CDH23: variants seen among roughly 807,000 people sequenced by gnomAD.
CDH23 encodes cadherin-23.
A neutral mutation model predicts 317.1 loss-of-function variants in CDH23; 189 were observed. The observed-to-expected ratio is 0.60, with a 90% CI of 0.53 to 0.67. The LOEUF (loss-of-function observed/expected upper bound fraction) is 0.67. Ranked by LOEUF, CDH23 falls within the 30% of genes least tolerant of loss-of-function variation. CDH23 has a pLI of 0.00. For missense variants in CDH23, 4,401 were observed against 4,592.4 expected, an observed-to-expected ratio of 0.96 and a Z score of 1.20; for synonymous variants, 1,839 against 1,876.8, an observed-to-expected ratio of 0.98 and a Z score of 0.52.
chr10:71,739,691 C>T lies in CDH23; in HGVS notation c.4407C>T (p.Ile1469=), dbSNP rs772041520. 23 of 1,613,226 alleles carry T rather than the reference C, an allele frequency of 1.4e-5. No homozygotes were observed. Among genetic ancestry groups the T allele is most frequent in the Admixed American group, 6.7e-5 (4 of 59,928 alleles). The part of the protein sequence containing the change: ...ASGNIAGAFE[I]VTTNDSIGEV... ...GCAACATCGCGGGGGCCTTTGAGAT[C>T]GTCACCACCAATGACTCCATTGGCG... The change falls in exon 36 of 70, where the codon ATC becomes ATT. Residue 1469 remains isoleucine (I), a synonymous_variant. Coordinates refer to ENST00000224721, the MANE Select transcript of CDH23 (RefSeq NM_022124.6).
At chr10:71,523,646 T>G (rs183307433) in intron 6 of CDH23, among the ~76,000 whole-genome samples, 2 of 152,262 alleles carry the variant, frequency 1.3e-5, no homozygotes, top group Non-Finnish European at 2.9e-5. Flanking sequence ...GTTTAACCGT[T>G]GCTGTGCAGA....
At chr10:71,438,863 G>A (rs1401651057) in intron 1 of CDH23, among the ~76,000 whole-genome samples, 1 of 152,206 alleles carries the variant, frequency 6.6e-6, no homozygotes, top group Non-Finnish European at 1.5e-5. Context: ...GGTATGCACT[G>A]AAGGGTAATG....
chr10:71,466,850 C>T (rs1048531237), intron 3 of CDH23, among the ~76,000 whole-genome samples: 13 of 151,892 alleles, frequency 8.6e-5, no homozygotes, highest in African/African-American at 3.1e-4. Flanking sequence ...GGAAAATCTC[C>T]GCCCATTGAC....
intron 3 of CDH23, among the ~76,000 whole-genome samples, chr10:71,466,837 C>A (rs1851278210): frequency 6.6e-6 from 1 of 151,998 alleles, no homozygotes; most frequent in South Asian, 2.1e-4. Context: ...TAGCAACCCA[C>A]ATGGAAAATC....
intron 6 of CDH23, among the ~76,000 whole-genome samples, chr10:71,546,513 G>C (rs887417835): frequency 2.0e-4 from 30 of 152,196 alleles, no homozygotes; most frequent in African/African-American, 6.8e-4. Flanking sequence ...CCCAACCCAG[G>C]TTCAGGGAAT....
chr10:71,586,871 G>C (rs1859105824), intron 9 of CDH23, among the ~76,000 whole-genome samples: 1 of 152,186 alleles, frequency 6.6e-6, no homozygotes, highest in African/African-American at 2.4e-5. Context: ...ACTCATCCAT[G>C]CTGTCAGGTG....
Position 71,574,381 on chromosome 10 carries a change from C to A in CDH23, c.753+3463C>A, listed in dbSNP as rs377746328. Reference sequence around the variant, plus strand: ...AAGGGCCGATAGAAGGTGAAAAGAGCGGATAAACTGCACAAATTACTGCCA... The same window carrying A: ...AAGGGCCGATAGAAGGTGAAAAGAGAGGATAAACTGCACAAATTACTGCCA... On this transcript the variant is annotated intron_variant, in intron 8 of 69. Coordinates refer to ENST00000224721, the MANE Select transcript of CDH23 (RefSeq NM_022124.6). Among the ~76,000 whole-genome samples the A allele has an allele frequency of 2.0e-5, 3 of 152,312 alleles. No individual in the cohort carries two copies. In the East Asian group the frequency reaches 5.8e-4, roughly 29 times the overall value.
chr10:71,455,729 G>A (rs1380202070), intron 3 of CDH23, among the ~76,000 whole-genome samples: 1 of 152,168 alleles, frequency 6.6e-6, no homozygotes, highest in Non-Finnish European at 1.5e-5. Context: ...GTCACGGGTA[G>A]CAGTGAGGGG....
rs397517321 is a variant in CDH23 at position 71,712,775 on chromosome 10, G to T, written c.3331G>T (p.Val1111Phe). Residue 1111 changes from valine (V) to phenylalanine (F), a missense_variant, in exon 28 of 70, where the codon GTC becomes TTC. By Grantham distance (50) the Val-to-Phe change is conservative. Coordinates refer to ENST00000224721, the MANE Select transcript of CDH23 (RefSeq NM_022124.6). ...TCTGCAGAGCAGCTATGAGGCCAGCGTCCCTGAGGACATCCCTGAAGGCCA... is the reference window on the plus strand; with the variant it reads ...TCTGCAGAGCAGCTATGAGGCCAGCTTCCCTGAGGACATCCCTGAAGGCCA... ...IFLQSSYEAS[V>F]PEDIPEGHSI... 1.2e-6 allele frequency: 2 copies of T among 1,613,054 alleles called. No individual in the cohort carries two copies. Among genetic ancestry groups the T allele is most frequent in the South Asian group, 2.2e-5 (2 of 90,886 alleles).
intron 55 of CDH23, among the ~76,000 whole-genome samples, 182 bp from the exon 56 acceptor site, chr10:71,805,621 GACA>G (rs1431434548): frequency 1.3e-5 from 2 of 152,222 alleles, no homozygotes; most frequent in Middle Eastern, 3.2e-3. Context: ...AGAGAAGAGG[GACA>G]ACAGCTAGCA....
intron 11 of CDH23, among the ~76,000 whole-genome samples, chr10:71,643,394 T>C (rs1862660215): frequency 6.6e-6 from 1 of 152,222 alleles, no homozygotes; most frequent in Non-Finnish European, 1.5e-5. Context: ...CTCTGACATT[T>C]TTTATGTTAG....
At chr10:71,555,294 G>T (rs899652698) in intron 6 of CDH23, among the ~76,000 whole-genome samples, 5 of 152,160 alleles carry the variant, frequency 3.3e-5, no homozygotes, top group African/African-American at 1.2e-4. Flanking sequence ...TGGGGCCAGG[G>T]TGGGTATCAG....
chr10:71,794,009 C>CT (rs200723552), intron 48 of CDH23, among the ~76,000 whole-genome samples: 130 of 151,182 alleles, frequency 8.6e-4, no homozygotes, highest in African/African-American at 2.8e-3. Flanking sequence ...TTTGTTTTGG[C>CT]TTTTTTTTTG....
intron 1 of CDH23, among the ~76,000 whole-genome samples, chr10:71,409,604 G>T (rs368511694): frequency 3.3e-4 from 50 of 152,204 alleles, no homozygotes; most frequent in Non-Finnish European, 6.0e-4. Flanking sequence ...GAGGGCACCC[G>T]GGCAGTGCTT....
Position 71,807,317 on chromosome 10 carries a change from A to T in CDH23, c.8219A>T (p.His2740Leu). Residue 2740 changes from histidine to leucine, a missense_variant, in exon 58 of 70, where the codon CAC becomes CTC. Physicochemically the swap from His to Leu is moderately conservative, Grantham distance 99. Coordinates refer to ENST00000224721, the MANE Select transcript of CDH23 (RefSeq NM_022124.6). ...TACCAGCTGCTGACAGTGCCTGAGC[A>T]CTCACCACGCGGCACCCTCGTGGGC... is the stretch of plus-strand genomic sequence containing the variant. ...PQYQLLTVPE[H>L]SPRGTLVGNV... The T allele has an allele frequency of 6.2e-7, 1 of 1,613,808 alleles. No homozygotes were observed.
intron 30 of CDH23, 57 bp downstream of exon 30, chr10:71,725,577 A>C (rs1349439824): frequency 6.4e-7 from 1 of 1,559,806 alleles, no homozygotes; most frequent in Non-Finnish European, 8.7e-7. Flanking sequence ...GCCCACAGCT[A>C]GAACAGAGAA....
chr10:71,779,258 C>T lies in CDH23; in HGVS notation c.5188-9C>T, dbSNP rs1400784973. 2 of 1,613,908 alleles carry T rather than the reference C, an allele frequency of 1.2e-6. No individual in the cohort carries two copies. Among genetic ancestry groups the T allele is most frequent in the Admixed American group, 1.7e-5 (1 of 60,016 alleles). ...GTGAGGCCTTGGCTAAGCTTTTCCA[C>T]CATCTCAGGTGCTTGTGAATGTGAA... is the stretch of plus-strand genomic sequence containing the variant. On this transcript the variant is annotated splice_polypyrimidine_tract_variant and intron_variant, in intron 40 of 69. Coordinates refer to ENST00000224721, the MANE Select transcript of CDH23 (RefSeq NM_022124.6).
At chr10:71,457,222 T>C (rs1850739439) in intron 3 of CDH23, among the ~76,000 whole-genome samples, 2 of 152,312 alleles carry the variant, frequency 1.3e-5, no homozygotes, top group South Asian at 4.1e-4. Context: ...CAATTTGTGT[T>C]GTGTCTTGAA....
Position 71,725,488 on chromosome 10 carries a change from C to T in CDH23, c.3547C>T (p.His1183Tyr). 6.2e-7 allele frequency: 1 copy of T among 1,613,896 alleles called. No individual in the cohort carries two copies. The highest frequency in any genetic ancestry group is 8.5e-7 in the Non-Finnish European group (1 of 1,179,846). ...CGTGCTGATAGTGGAGGCCTACAACCACGACCTGGGCCCCATGCGGAGCTC... is the reference window on the plus strand; with the variant it reads ...CGTGCTGATAGTGGAGGCCTACAACTACGACCTGGGCCCCATGCGGAGCTC... ...SHVLIVEAYNHDLGPMRSSVR... is the reference protein window; with the variant it reads ...SHVLIVEAYNYDLGPMRSSVR... Residue 1183 changes from histidine (H) to tyrosine (Y), a missense_variant, in exon 30 of 70, where the codon CAC (histidine) becomes TAC (tyrosine). Around this residue, in one of 3 missense-constraint regions of CDH23, gnomAD observed 3,068 missense variants for 3,203.3 expected, o/e 0.96. Coordinates refer to ENST00000224721, the MANE Select transcript of CDH23 (RefSeq NM_022124.6).
Sources: gnomAD v4.1 joint callset for allele counts (sites outside exome capture counted in the v4.1 genomes callset) on GRCh38, gnomAD v4.1.1 for gene constraint, gnomAD v4.1.1 regional missense constraint, MANE v1.5 for transcripts, NCBI Gene and HGNC (gene_info 2026-07-23, HGNC 2026-07-21) for gene names.